The following PARD3B variants were observed in gnomAD, a reference collection of about 807,000 sequenced individuals.
PARD3B encodes the protein partitioning defective 3 homolog B.
A neutral mutation model predicts 130.2 loss-of-function variants in PARD3B; 103 were observed. The observed-to-expected ratio is 0.79, with a 90% confidence interval of 0.67 to 0.93. The LOEUF (loss-of-function observed/expected upper bound fraction) is 0.93, where lower values mean the gene tolerates loss of function less well. Among genes scored for constraint, PARD3B ranks in the 40% least tolerant of loss-of-function variants. The pLI is 0.00. For synonymous variants in PARD3B, 583 were observed against 553.2 expected, an observed-to-expected ratio of 1.05 and a Z score of -0.76; for missense variants, 1,609 against 1,499.2, an observed-to-expected ratio of 1.07 and a Z score of -1.21.
chr2:205,611,015 A>C (rs1414212079), intron 22 of PARD3B, among the ~76,000 whole-genome samples: 1 of 152,202 alleles, frequency 6.6e-6, no homozygotes, highest in African/African-American at 2.4e-5. Context: ...TTAAGCTCGA[A>C]GGGAGATAGT....
chr2:205,539,862 G>A (rs2052044599), intron 21 of PARD3B, among the ~76,000 whole-genome samples: 1 of 152,104 alleles, frequency 6.6e-6, no homozygotes, highest in Admixed American at 6.5e-5. Context: ...TGACTCAGGT[G>A]AAGTTTTTTC....
At chr2:205,610,707 C>A (rs1007120790) in intron 22 of PARD3B, among the ~76,000 whole-genome samples, 2 of 152,164 alleles carry the variant, frequency 1.3e-5, no homozygotes, top group Non-Finnish European at 2.9e-5. Flanking sequence ...AACCTCTACC[C>A]TGATAAAATT....
At chr2:204,902,465 C>T (rs1256530083) in intron 2 of PARD3B, among the ~76,000 whole-genome samples, 1 of 151,972 alleles carries the variant, frequency 6.6e-6, no homozygotes, top group Non-Finnish European at 1.5e-5. Context: ...GTCAGGAGAT[C>T]GAGACCATCC....
chr2:205,298,620 A>G (rs1192292574), intron 16 of PARD3B, among the ~76,000 whole-genome samples: 1 of 152,032 alleles, frequency 6.6e-6, no homozygotes, highest in African/African-American at 2.4e-5. Context: ...TCTAGTGTTT[A>G]TTGTCATCCT....
chr2:204,999,776 T>C (rs989724893), intron 3 of PARD3B, among the ~76,000 whole-genome samples: 3 of 152,340 alleles, frequency 2.0e-5, no homozygotes, highest in South Asian at 4.1e-4. Flanking sequence ...TTTACTTCAG[T>C]GAATTCAATC....
intron 2 of PARD3B, among the ~76,000 whole-genome samples, chr2:204,917,518 A>T (rs1201494303): frequency 6.6e-6 from 1 of 152,166 alleles, no homozygotes; most frequent in East Asian, 1.9e-4. Context: ...GGGGAATTCT[A>T]TGGGAGTTGC....
intron 10 of PARD3B, among the ~76,000 whole-genome samples, chr2:205,140,482 G>A (rs1391068869): frequency 7.8e-6 from 1 of 128,320 alleles, no homozygotes; most frequent in South Asian, 2.4e-4. Flanking sequence ...AAGGAAGACC[G>A]TTCCTTTTTT....
intron 21 of PARD3B, among the ~76,000 whole-genome samples, chr2:205,500,710 T>C (rs1219774426): frequency 6.6e-6 from 1 of 152,220 alleles, no homozygotes; most frequent in African/African-American, 2.4e-5. Flanking sequence ...AAGAGGATGC[T>C]TAGAATTGCA....
intron 10 of PARD3B, among the ~76,000 whole-genome samples, chr2:205,130,559 T>C (rs1423832119): frequency 1.3e-5 from 2 of 152,210 alleles, no homozygotes; most frequent in African/African-American, 4.8e-5. Flanking sequence ...GTCTTCTTTT[T>C]TTATTGGGTA....
intron 15 of PARD3B, among the ~76,000 whole-genome samples, chr2:205,237,135 T>C (rs1202942876): frequency 6.6e-6 from 1 of 152,184 alleles, no homozygotes; most frequent in Non-Finnish European, 1.5e-5. Flanking sequence ...GTTTTGCCCT[T>C]GTCGTCCAGG....
intron 2 of PARD3B, among the ~76,000 whole-genome samples, chr2:204,936,092 T>C (rs1414689593): frequency 1.3e-5 from 2 of 152,240 alleles, no homozygotes; most frequent in Admixed American, 1.3e-4. Flanking sequence ...TGTTTCCCAG[T>C]GTGCTGTAGG....
rs74905134 is a variant in PARD3B at position 204,709,435 on chromosome 2, A to G, written c.222+23153A>G. Among the ~76,000 whole-genome samples, 1,837 of 152,340 alleles carry G rather than the reference A, an allele frequency of 0.012. 72 individuals are homozygous for G. The East Asian group carries it at 0.14, about 12-fold the overall frequency. The stretch of plus-strand genomic sequence containing the variant: ...CAGAATTAAATTAACTCATGTGGAA[A>G]GAACCAGCCTTAAGAACTTTAGTAT... On this transcript the variant is annotated intron_variant, in intron 2 of 22. Coordinates refer to ENST00000406610, the MANE Select transcript of PARD3B (RefSeq NM_001302769.2).
chr2:204,936,274 G>A (rs1470840684), intron 2 of PARD3B, among the ~76,000 whole-genome samples: 1 of 152,226 alleles, frequency 6.6e-6, no homozygotes, highest in Non-Finnish European at 1.5e-5. Flanking sequence ...TGACTTCTCT[G>A]CCTACTGGTA....
At chr2:204,830,038 T>C (rs6733124) in intron 2 of PARD3B, among the ~76,000 whole-genome samples, 57,257 of 147,998 alleles carry the variant, frequency 0.39, 13,549 homozygotes, top group African/African-American at 0.67. Context: ...GTAGCACTTC[T>C]CCCTTAGTGT....
chr2:205,289,969 T>A (rs958913062), intron 16 of PARD3B, among the ~76,000 whole-genome samples: 2 of 152,162 alleles, frequency 1.3e-5, no homozygotes, highest in African/African-American at 4.8e-5. Flanking sequence ...TCTTTATACA[T>A]TACCCATTCT....
intron 16 of PARD3B, among the ~76,000 whole-genome samples, chr2:205,248,213 G>T (rs2039653177): frequency 6.6e-6 from 1 of 152,082 alleles, no homozygotes; most frequent in Admixed American, 6.6e-5. Flanking sequence ...AAAGTGCTGG[G>T]ATTACAGGTA....
intron 19 of PARD3B, among the ~76,000 whole-genome samples, chr2:205,423,232 C>T (rs1490145034): frequency 6.6e-6 from 1 of 152,134 alleles, no homozygotes; most frequent in Non-Finnish European, 1.5e-5. Context: ...GTGCTGTGTC[C>T]TCAGTGTGCA....
intron 18 of PARD3B, among the ~76,000 whole-genome samples, chr2:205,385,699 AC>A (rs563652707): frequency 3.1e-4 from 47 of 151,770 alleles, no homozygotes; most frequent in African/African-American, 1.1e-3. Context: ...GTCATTTCTG[AC>A]CCCCCTGACT....
chr2:204,941,671 G>A (rs236823), intron 2 of PARD3B, among the ~76,000 whole-genome samples: 108,120 of 152,024 alleles, frequency 0.71, 39,532 homozygotes, highest in African/African-American at 0.88. Context: ...GCTTCCATTT[G>A]AAGGAAATTT....
Sources: gnomAD v4.1 joint callset for allele counts (sites outside exome capture counted in the v4.1 genomes callset) on GRCh38, gnomAD v4.1.1 for gene constraint, MANE v1.5 for transcripts, NCBI Gene and HGNC (gene_info 2026-07-23, HGNC 2026-07-21) for gene names.